The following EFCAB13 variants were observed in gnomAD, a reference collection of about 807,000 sequenced individuals.
The protein encoded by EFCAB13 is EF-hand calcium binding domain 13.
EFCAB13 carries 91 observed loss-of-function variants against 110.2 expected under a neutral mutation model. The ratio of observed to expected loss-of-function variants is 0.83; its 90% CI spans 0.70 to 0.98. EFCAB13 has a LOEUF of 0.98. EFCAB13 is among the 50% of genes least tolerant of loss of function. The probability of loss-of-function intolerance (pLI) is 0.00; values close to 1 mark genes in which losing one functional copy is unlikely to be tolerated. For missense variants in EFCAB13, 968 were observed against 1,119.4 expected (o/e 0.86, Z 1.93); for synonymous variants, 323 against 369.9 (o/e 0.87, Z 1.45).
intron 17 of EFCAB13, 26 bp from the exon 18 acceptor site, chr17:47,402,106 T>C: frequency 1.2e-6 from 2 of 1,606,694 alleles, no homozygotes; most frequent in Non-Finnish European, 1.7e-6. Context: ...ATGAGGTTGG[T>C]CTATTAAAAG....
chr17:47,335,907 A>G (rs527482134), intron 5 of EFCAB13, among the ~76,000 whole-genome samples: 11 of 152,310 alleles, frequency 7.2e-5, no homozygotes, highest in Non-Finnish European at 1.5e-4. Flanking sequence ...GGGGATTACA[A>G]TTCAACATGA....
chr17:47,389,340 A>G (rs1447564218), intron 14 of EFCAB13, among the ~76,000 whole-genome samples: 1 of 152,178 alleles, frequency 6.6e-6, no homozygotes, highest in Non-Finnish European at 1.5e-5. Context: ...TCCCAAGCGT[A>G]TAGCTCTTTA....
intron 23 of EFCAB13, among the ~76,000 whole-genome samples, chr17:47,420,873 C>A (rs1027063046): frequency 6.7e-6 from 1 of 150,294 alleles, no homozygotes; most frequent in South Asian, 2.1e-4. Flanking sequence ...GGGGGGTCAG[C>A]CCCCCGCCCG....
Position 47,345,093 on chromosome 17 carries a change from T to G in EFCAB13, c.512T>G (p.Leu171Ter), listed in dbSNP as rs1598724796. ...CATGGATATTTACACTCAAAAGAAT[T>G]AAGTGGTAATAAGAGGTTCTAAAAT... ...VTHGYLHSKE[L>*]SALHKACKIF... is the part of the protein sequence containing the mutation. Residue 171 changes from leucine (L) to a stop codon, truncating the protein, a stop_gained, in exon 8 of 25, where the codon TTA (leucine) becomes TGA (stop). Transcript: ENST00000331493. LOFTEE classifies it high-confidence loss of function. 1 of 1,589,078 alleles carries G rather than the reference T, an allele frequency of 6.3e-7. No homozygotes were observed. The highest frequency in any genetic ancestry group is 8.6e-7 in the Non-Finnish European group (1 of 1,167,176).
intron 14 of EFCAB13, among the ~76,000 whole-genome samples, chr17:47,380,895 T>C (rs2065643902): frequency 6.6e-6 from 1 of 150,564 alleles, no homozygotes; most frequent in Non-Finnish European, 1.5e-5. Context: ...TTTTTTTTTT[T>C]TTTTTGAGAC....
At chr17:47,405,217 ATATT>A (rs1406696715) in intron 20 of EFCAB13, among the ~76,000 whole-genome samples, 2 of 152,190 alleles carry the variant, frequency 1.3e-5, no homozygotes, top group Non-Finnish European at 2.9e-5. Flanking sequence ...CTTTTAATAA[ATATT>A]TAGGTTATTG....
chr17:47,329,443 G>A (rs1158275029), intron 4 of EFCAB13, among the ~76,000 whole-genome samples: 5 of 152,042 alleles, frequency 3.3e-5, no homozygotes, highest in African/African-American at 1.2e-4. Flanking sequence ...ACTATAGTCT[G>A]AAAAATAATC....
chr17:47,415,364 G>A (rs1196916897), intron 23 of EFCAB13, among the ~76,000 whole-genome samples: 1 of 151,878 alleles, frequency 6.6e-6, no homozygotes, highest in Admixed American at 6.6e-5. Context: ...TTGTGCACAT[G>A]TACCCTAAAA....
Position 47,370,435 on chromosome 17 carries a change from A to G in EFCAB13, c.806-2A>G, listed in dbSNP as rs766572061. 3 of 1,567,264 alleles carry G rather than the reference A, an allele frequency of 1.9e-6. No homozygotes were observed. Among genetic ancestry groups the G allele is most frequent in the Non-Finnish European group, 2.6e-6 (3 of 1,138,026 alleles). On this transcript the variant is annotated splice_acceptor_variant, in intron 10 of 24. Transcript: ENST00000331493. LOFTEE classifies it high-confidence loss of function. ...ACAGTATTTGAACTTATTCTATTAC[A>G]GGTAACCACATGGTGGATATTGGGG...
chr17:47,389,388 G>T (rs1244780674), intron 14 of EFCAB13, among the ~76,000 whole-genome samples: 1 of 152,068 alleles, frequency 6.6e-6, no homozygotes, highest in Non-Finnish European at 1.5e-5. Flanking sequence ...GTGAGTTCAA[G>T]CAAGAAAGCC....
chr17:47,394,187 A>G, intron 16 of EFCAB13, 88 bp downstream of exon 16: 2 of 788,160 alleles, frequency 2.5e-6, no homozygotes, highest in Non-Finnish European at 3.8e-6. Context: ...TTAGTCTCTT[A>G]TAGAGCTAGT....
intron 3 of EFCAB13, 172 bp from the exon 4 acceptor site, chr17:47,328,097 A>G (rs1316588063): frequency 1.2e-5 from 6 of 493,544 alleles, no homozygotes; most frequent in African/African-American, 4.0e-5. Flanking sequence ...TCTGTGATTT[A>G]TAGTCTACTA....
chr17:47,336,592 A>ATTTTTTTTTTTTTTTTT (rs66495523), intron 5 of EFCAB13, among the ~76,000 whole-genome samples: 1 of 119,544 alleles, frequency 8.4e-6, no homozygotes, highest in Non-Finnish European at 1.7e-5. Context: ...CACCTGGCCA[A>ATTTTTTTTTTTTTTTTT]TTTTTTTTTT....
chr17:47,365,518 G>A (rs866160082), intron 10 of EFCAB13, among the ~76,000 whole-genome samples: 1 of 152,274 alleles, frequency 6.6e-6, no homozygotes, highest in South Asian at 2.1e-4. Flanking sequence ...TTGAAATATA[G>A]TAGTGGCTCA....
intron 4 of EFCAB13, among the ~76,000 whole-genome samples, chr17:47,330,725 A>C (rs2065315003): frequency 1.3e-5 from 2 of 151,492 alleles, no homozygotes; most frequent in Non-Finnish European, 2.9e-5. Flanking sequence ...TTGGTTCCAT[A>C]CCTTTGGTAT....
chr17:47,335,706 A>G (rs2065345646), intron 5 of EFCAB13, among the ~76,000 whole-genome samples: 1 of 152,196 alleles, frequency 6.6e-6, no homozygotes. Flanking sequence ...GAAACTTAGA[A>G]TCATGGTGGA....
intron 23 of EFCAB13, among the ~76,000 whole-genome samples, chr17:47,425,007 C>G (rs189227749): frequency 6.9e-6 from 1 of 145,632 alleles, no homozygotes; most frequent in South Asian, 2.2e-4. Context: ...CTCAGCCTCC[C>G]GAGTAGCTGG....
intron 17 of EFCAB13, among the ~76,000 whole-genome samples, chr17:47,398,795 G>T (rs976065708): frequency 5.9e-5 from 9 of 151,394 alleles, no homozygotes; most frequent in African/African-American, 1.5e-4. Flanking sequence ...CTCCACTATT[G>T]TCCTATGACC....
At chr17:47,390,759 G>T (rs543389938) in intron 14 of EFCAB13, among the ~76,000 whole-genome samples, 2 of 152,194 alleles carry the variant, frequency 1.3e-5, no homozygotes, top group South Asian at 2.1e-4. Flanking sequence ...AGAGTACAAA[G>T]AATTTTAAAT....
Sources: allele counts gnomAD v4.1 joint callset (sites outside exome capture counted in the v4.1 genomes callset), GRCh38; gene constraint gnomAD v4.1.1; transcripts MANE v1.5; gene names NCBI Gene and HGNC (gene_info 2026-07-23, HGNC 2026-07-21).